Variants in PPM1H observed in about 807,000 individuals in gnomAD.
The protein encoded by PPM1H is protein phosphatase 1H.
A neutral mutation model predicts 54.9 loss-of-function variants in PPM1H; 27 were observed. The observed-to-expected ratio is 0.49, with a 90% CI of 0.36 to 0.68. PPM1H has a LOEUF of 0.68. Ranked by LOEUF, PPM1H falls within the 30% of genes least tolerant of loss-of-function variation. PPM1H has a pLI of 0.00. For missense variants in PPM1H, 596 were observed against 667.8 expected, an observed-to-expected ratio of 0.89 and a Z score of 1.19; for synonymous variants, 305 against 270.8, an observed-to-expected ratio of 1.13 and a Z score of -1.24.
At chr12:62,771,567 C>T (rs1000334850) in intron 4 of PPM1H, among the ~76,000 whole-genome samples, 37 of 152,136 alleles carry the variant, frequency 2.4e-4, no homozygotes, top group African/African-American at 8.0e-4. Context: ...AAGCCATCTA[C>T]ACTGTAATGC....
intron 1 of PPM1H, among the ~76,000 whole-genome samples, chr12:62,857,052 A>G (rs1269071997): frequency 6.6e-6 from 1 of 152,198 alleles, no homozygotes; most frequent in African/African-American, 2.4e-5. Context: ...ATCAGACTCA[A>G]AGGTGTGAAA....
intron 6 of PPM1H, among the ~76,000 whole-genome samples, chr12:62,698,553 C>G (rs967608827): frequency 5.9e-5 from 9 of 152,000 alleles, no homozygotes; most frequent in Non-Finnish European, 1.2e-4. Context: ...TGGTGGTGGC[C>G]CTCTAGGGTC....
chr12:62,717,451 CAGAGAG>C (rs60561309), intron 6 of PPM1H, among the ~76,000 whole-genome samples: 5 of 148,534 alleles, frequency 3.4e-5, no homozygotes, highest in African/African-American at 4.9e-5. Flanking sequence ...CATGCTAATG[CAGAGAG>C]AGAGAGAGAG....
intron 2 of PPM1H, among the ~76,000 whole-genome samples, chr12:62,805,952 C>A (rs1429386972): frequency 6.6e-6 from 1 of 152,066 alleles, no homozygotes; most frequent in Non-Finnish European, 1.5e-5. Context: ...ATCATGCACA[C>A]CTTAAATACA....
intron 9 of PPM1H, chr12:62,658,721 A>AC (rs951162813): frequency 8.9e-5 from 31 of 348,828 alleles, no homozygotes; most frequent in African/African-American, 5.6e-4. Context: ...TCATTTCGTG[A>AC]CCCCACAAGA....
intron 4 of PPM1H, among the ~76,000 whole-genome samples, chr12:62,778,866 G>T (rs989407804): frequency 1.7e-4 from 26 of 152,008 alleles, no homozygotes; most frequent in African/African-American, 6.0e-4. Flanking sequence ...AGGAGTTTGA[G>T]GCTGCAGTGA....
intron 1 of PPM1H, among the ~76,000 whole-genome samples, chr12:62,908,422 A>AAAAAGAG (rs1284923713): frequency 7.5e-6 from 1 of 134,176 alleles, no homozygotes; most frequent in Non-Finnish European, 1.6e-5. Context: ...AAAAAAAAAA[A>AAAAAGAG]AAAGAAAGAA....
At chr12:62,653,576 G>A (rs948024751) in intron 9 of PPM1H, among the ~76,000 whole-genome samples, 2 of 152,118 alleles carry the variant, frequency 1.3e-5, no homozygotes, top group Admixed American at 1.3e-4. Context: ...TTTCTTTGAG[G>A]GCCCGGAGGG....
At chr12:62,841,064 T>C (rs1472667086) in intron 1 of PPM1H, among the ~76,000 whole-genome samples, 1 of 151,862 alleles carries the variant, frequency 6.6e-6, no homozygotes, top group Admixed American at 6.6e-5. Flanking sequence ...ATGAATCCCA[T>C]GTTTCCAAAA....
At chr12:62,732,741 T>G (rs1055461077) in intron 5 of PPM1H, among the ~76,000 whole-genome samples, 35 of 151,900 alleles carry the variant, frequency 2.3e-4, no homozygotes, top group African/African-American at 8.5e-4. Context: ...CCGGCTAATT[T>G]TTTTGTATTT....
At chr12:62,855,078 A>C (rs1869334192) in intron 1 of PPM1H, among the ~76,000 whole-genome samples, 2 of 151,968 alleles carry the variant, frequency 1.3e-5, no homozygotes, top group South Asian at 4.1e-4. Flanking sequence ...GCTCTTGAAA[A>C]ATTTCCCCAT....
At chr12:62,679,667 T>C (rs1014252364) in intron 8 of PPM1H, among the ~76,000 whole-genome samples, 1 of 152,176 alleles carries the variant, frequency 6.6e-6, no homozygotes, top group African/African-American at 2.4e-5. Context: ...TGAGGTCCCT[T>C]TCCTTTGAGA....
chr12:62,660,154 GCTCTTGGGACTGAGCT>G (rs1004631974), intron 9 of PPM1H, among the ~76,000 whole-genome samples: 3 of 152,176 alleles, frequency 2.0e-5, no homozygotes, highest in African/African-American at 7.2e-5. Context: ...GAGGGCACTG[GCTCTTGGGACTGAGCT>G]CTCTTTGTCC....
intron 6 of PPM1H, among the ~76,000 whole-genome samples, chr12:62,698,862 A>G (rs560562855): frequency 6.6e-6 from 1 of 152,104 alleles, no homozygotes; most frequent in South Asian, 2.1e-4. Context: ...TGAAGGGAGG[A>G]CTCCATTGCC....
At chr12:62,839,707 C>G (rs1177476699) in intron 1 of PPM1H, among the ~76,000 whole-genome samples, 9 of 151,436 alleles carry the variant, frequency 5.9e-5, no homozygotes, top group Non-Finnish European at 8.8e-5. Context: ...GGTTTCTACT[C>G]TCAAGGACCC....
In PPM1H at chr12:62,832,207, C is replaced by T; in HGVS notation, c.318G>A (p.Lys106=). 6.2e-7 allele frequency: 1 copy of T among 1,613,692 alleles called. No individual in the cohort carries two copies. Among genetic ancestry groups the T allele is most frequent in the South Asian group, 1.1e-5 (1 of 91,004 alleles). The part of the protein sequence containing the change: ...ASCEVLTVKK[K]AGAVTSTPNR... ...TTGGGGTTGAGGTCACGGCCCCTGC[C>T]TTCTTCTTCACAGTGAGCACCTCAC... Residue 106 remains lysine (K), a synonymous_variant, in exon 2 of 10, where the codon AAG becomes AAA. Coordinates refer to ENST00000228705, the MANE Select transcript of PPM1H (RefSeq NM_020700.2).
chr12:62,830,552 G>T (rs1239403809), intron 2 of PPM1H, among the ~76,000 whole-genome samples: 1 of 152,194 alleles, frequency 6.6e-6, no homozygotes, highest in Non-Finnish European at 1.5e-5. Context: ...ACCGCACCCA[G>T]CCTGTTATTC....
chr12:62,726,544 T>G (rs1396997938), intron 5 of PPM1H, among the ~76,000 whole-genome samples: 2 of 152,166 alleles, frequency 1.3e-5, no homozygotes, highest in African/African-American at 4.8e-5. Flanking sequence ...TTACTGCTTC[T>G]TGTTCTAATA....
At chr12:62,852,914 C>T (rs1007003304) in intron 1 of PPM1H, among the ~76,000 whole-genome samples, 1 of 152,200 alleles carries the variant, frequency 6.6e-6, no homozygotes, top group Non-Finnish European at 1.5e-5. Flanking sequence ...AGCCTTTAAG[C>T]ATAAATCCCA....
Sources: allele counts gnomAD v4.1 joint callset (sites outside exome capture counted in the v4.1 genomes callset), GRCh38; gene constraint gnomAD v4.1.1; transcripts MANE v1.5; gene names NCBI Gene and HGNC (gene_info 2026-07-23, HGNC 2026-07-21).